The following ZNF251 variants were observed in gnomAD, a reference collection of about 807,000 sequenced individuals.
ZNF251 encodes the protein zinc finger protein 251.
Under a neutral mutation model 13.5 loss-of-function variants are expected in ZNF251, and 14 were observed. The observed-to-expected ratio is 1.04, with a 90% CI of 0.69 to 1.63. The LOEUF is 1.63. Among genes scored for constraint, ZNF251 ranks in the 40% most tolerant of loss-of-function variants. The pLI, the probability that ZNF251 is intolerant of heterozygous loss-of-function variation, is 0.00. For synonymous variants in ZNF251, 287 were observed against 295.2 expected, an observed-to-expected ratio of 0.97 and a Z score of 0.28; for missense variants, 764 against 834.9, an observed-to-expected ratio of 0.92 and a Z score of 1.05.
chr8:144,754,334 A>T lies in ZNF251; in HGVS notation c.34-13T>A. On this transcript the variant is annotated splice_polypyrimidine_tract_variant and intron_variant, in intron 2 of 4. Transcript: ENST00000292562. Reference sequence around the variant, plus strand: ...TCAGCGGCATCTCCTGCAACAAAACATCGCCGCTGCCCAGGCCATGCCCAC... The same window carrying T: ...TCAGCGGCATCTCCTGCAACAAAACTTCGCCGCTGCCCAGGCCATGCCCAC... 1 of 1,593,152 alleles carries T rather than the reference A, an allele frequency of 6.3e-7. No homozygotes were observed. Among genetic ancestry groups the T allele is most frequent in the Non-Finnish European group, 8.5e-7 (1 of 1,169,908 alleles).
intron 4 of ZNF251, among the ~76,000 whole-genome samples, chr8:144,730,936 C>A (rs563008470): frequency 2.0e-5 from 3 of 152,086 alleles, no homozygotes; most frequent in African/African-American, 7.2e-5. Context: ...CAGTGACGGT[C>A]GTGGGAACCG....
At position 144,722,971 on chromosome 8, in the gene ZNF251, C is replaced by T; in HGVS notation, c.689G>A (p.Ser230Asn). The T allele has an allele frequency of 3.7e-6, 6 of 1,613,850 alleles. No individual in the cohort carries two copies. The highest frequency in any genetic ancestry group is 5.1e-6 in the Non-Finnish European group (6 of 1,179,788). Residue 230 changes from serine to asparagine, a missense_variant, in exon 5 of 5, where the codon AGT becomes AAT. Ser to Asn is a conservative substitution (Grantham distance 46, BLOSUM62 1). Coordinates refer to ENST00000292562, the MANE Select transcript of ZNF251 (RefSeq NM_138367.2). This position sits in a 1 kb window ranked among gnomAD's most constrained non-coding sequence, Gnocchi z 4.8. ...TTCGTACGGCTTCTCCCCAGTGTGA[C>T]TTCTCTGGTGTCTACTTAGGTCTGA... ...YNSDLSRHQR[S>N]HTGEKPYECG...
chr8:144,742,498 C>A (rs1489824818), intron 4 of ZNF251, among the ~76,000 whole-genome samples: 5 of 151,292 alleles, frequency 3.3e-5, no homozygotes, highest in African/African-American at 4.9e-5. Context: ...CCACTACTTA[C>A]CTCCCGCAAC....
rs1823372383 is a variant in ZNF251 at position 144,721,568 on chromosome 8, A to G, written c.*76T>C. The G allele has an allele frequency of 8.0e-7, 1 of 1,257,186 alleles. No individual in the cohort carries two copies. Among genetic ancestry groups the G allele is most frequent in the Admixed American group, 3.6e-5 (1 of 27,492 alleles). 77.9% of individuals were successfully genotyped at this position (1,257,186 alleles called of 1,614,324 possible). On this transcript the variant is annotated 3_prime_UTR_variant, in exon 5 of 5. Transcript: ENST00000292562. ...ACTTTGCCAGTAATATTTAGACCTT[A>G]TATATCTTTCATTATGCCATCTTAT...
intron 4 of ZNF251, among the ~76,000 whole-genome samples, chr8:144,745,352 C>T (rs1242485565): frequency 6.6e-6 from 1 of 151,990 alleles, no homozygotes; most frequent in African/African-American, 2.4e-5. Flanking sequence ...TTTCATTGAT[C>T]TATTTTTTCT....
At chr8:144,739,553 A>C (rs985081202) in intron 4 of ZNF251, among the ~76,000 whole-genome samples, 1 of 152,234 alleles carries the variant, frequency 6.6e-6, no homozygotes, top group Non-Finnish European at 1.5e-5. Context: ...TACGCTTGAC[A>C]TATGAACTAC....
At chr8:144,732,611 G>C (rs1044302006) in intron 4 of ZNF251, among the ~76,000 whole-genome samples, 14 of 151,686 alleles carry the variant, frequency 9.2e-5, no homozygotes, top group African/African-American at 2.4e-4. Flanking sequence ...AGGAGATGGA[G>C]ACCATCCTGG....
At chr8:144,751,632 G>A (rs1824697517) in intron 4 of ZNF251, among the ~76,000 whole-genome samples, 1 of 152,078 alleles carries the variant, frequency 6.6e-6, no homozygotes. Context: ...CCCAAATAAA[G>A]GCCGGAAAGA....
rs186457385 is a variant in ZNF251, at chr8:144,752,487, T to C, written c.277+1196A>G. ...AGAAAAACTAGATAACATTTTGAAC[T>C]AAATGTTAATGAAAATACAACATAT... On this transcript the variant is annotated intron_variant, in intron 4 of 4. Transcript: ENST00000292562. Among the ~76,000 whole-genome samples the C allele has an allele frequency of 2.4e-4, 36 of 152,344 alleles. 1 individual carries two copies. The highest frequency in any genetic ancestry group is 8.4e-4 in the African/African-American group (35 of 41,580).
Position 144,755,429 on chromosome 8 carries a change from ACCGAGGAAGCG to A in ZNF251, c.-111_-101del. 1 of 1,288,158 alleles carries A rather than the reference ACCGAGGAAGCG, an allele frequency of 7.8e-7. No homozygotes were observed. The highest frequency in any genetic ancestry group is 1.0e-6 in the Non-Finnish European group (1 of 988,800). The allele number at this position is 1,288,158 out of a possible 1,614,324, so 79.8% of individuals were successfully genotyped here. A position where few individuals can be genotyped will look rare whatever the true frequency, so the allele number is the denominator to read the frequency against. On this transcript the variant is annotated 5_prime_UTR_variant, in exon 1 of 5. Transcript: ENST00000292562. ...CCTGTTTGCTCGACCCGGGGAAGCCACCGAGGAAGCGCCGAGGAGCTGCGCAGTCGCACCGA... is the reference window on the plus strand; with the variant it reads ...CCTGTTTGCTCGACCCGGGGAAGCCACCGAGGAGCTGCGCAGTCGCACCGA...
chr8:144,735,279 T>C (rs549692629), intron 4 of ZNF251, among the ~76,000 whole-genome samples: 7 of 146,482 alleles, frequency 4.8e-5, no homozygotes, highest in African/African-American at 1.8e-4. Context: ...CCCAGCTACT[T>C]GGGAGGCTGA....
intron 4 of ZNF251, among the ~76,000 whole-genome samples, chr8:144,735,028 C>T (rs1232920149): frequency 5.9e-5 from 9 of 151,268 alleles, no homozygotes; most frequent in African/African-American, 1.7e-4. Context: ...GAGCCAAGAT[C>T]GCACCACTGC....
At chr8:144,743,805 T>C (rs568387899) in intron 4 of ZNF251, among the ~76,000 whole-genome samples, 1 of 152,334 alleles carries the variant, frequency 6.6e-6, no homozygotes, top group African/African-American at 2.4e-5. Flanking sequence ...CTTAGAGATA[T>C]GACATTGATC....
Position 144,723,261 on chromosome 8 carries a change from A to C in ZNF251, c.399T>G (p.Phe133Leu). The C allele has an allele frequency of 6.2e-7, 1 of 1,613,158 alleles. No individual in the cohort carries two copies. Among genetic ancestry groups the C allele is most frequent in the Non-Finnish European group, 8.5e-7 (1 of 1,179,580 alleles). ...LLRDNAQAAEFREAWGREGKL... is the reference protein window; with the variant it reads ...LLRDNAQAAELREAWGREGKL... ...TGCCCTCACGGCCCCATGCTTCCCG[A>C]AACTCAGCGGCCTGTGCATTATCCC... The change falls in exon 5 of 5, where the codon TTT becomes TTG. Residue 133 changes from phenylalanine to leucine, a missense_variant. Physicochemically the swap from Phe to Leu is conservative, Grantham distance 22. Coordinates refer to ENST00000292562, the MANE Select transcript of ZNF251 (RefSeq NM_138367.2).
At chr8:144,753,618 G>T in intron 4 of ZNF251, 65 bp downstream of exon 4, 1 of 1,352,714 alleles carries the variant, frequency 7.4e-7, no homozygotes, top group African/African-American at 1.4e-5. Context: ...GCTGTCCCTC[G>T]CTTGGAGCCT....
At chr8:144,740,685 G>C (rs1824117391) in intron 4 of ZNF251, among the ~76,000 whole-genome samples, 1 of 152,028 alleles carries the variant, frequency 6.6e-6, no homozygotes, top group Admixed American at 6.5e-5. Context: ...TGTAATCCCA[G>C]CACTTTGGGA....
rs563036108 is a variant in ZNF251, at chr8:144,734,309, A to G, written c.278-10927T>C. Among the ~76,000 whole-genome samples, 9 of 152,274 alleles carry G rather than the reference A, an allele frequency of 5.9e-5. 1 individual carries two copies. In the South Asian group the frequency reaches 1.9e-3, roughly 32 times the overall value. The stretch of plus-strand genomic sequence containing the variant: ...TGGTCATGACCCCTTGCAAATATCC[A>G]TGCTTTGTCCCTGTGGCTGTCGGCC... On this transcript the variant is annotated intron_variant, in intron 4 of 4. Transcript: ENST00000292562. The surrounding 1 kb of genome is among the most constrained non-coding windows in gnomAD (Gnocchi z 4.4).
In ZNF251 at chr8:144,731,070, C is replaced by T. The variant is rs114829340; in HGVS notation, c.278-7688G>A. On this transcript the variant is annotated intron_variant, in intron 4 of 4. Coordinates refer to ENST00000292562, the MANE Select transcript of ZNF251 (RefSeq NM_138367.2). ...CTTAAATGCTTCCAGATGATGGCTC[C>T]CCCGGAGGACCGAGGAAGCCCCATG... 5.3e-3 allele frequency among the ~76,000 whole-genome samples: 809 copies of T among 152,270 alleles called. 8 individuals are homozygous for T. The highest frequency in any genetic ancestry group is 0.018 in the African/African-American group (759 of 41,556).
chr8:144,725,272 C>T lies in ZNF251; in HGVS notation c.278-1890G>A, dbSNP rs372193184. On this transcript the variant is annotated intron_variant, in intron 4 of 4. Transcript: ENST00000292562. Reference sequence around the variant, plus strand: ...TCAGGCAATCCGTCCGCCTCGGCCTCCCAAAGTGCTGGGATTACGGGCGTG... The same window carrying T: ...TCAGGCAATCCGTCCGCCTCGGCCTTCCAAAGTGCTGGGATTACGGGCGTG... Among the ~76,000 whole-genome samples the T allele has an allele frequency of 1.1e-4, 17 of 152,360 alleles. No individual in the cohort carries two copies. In the East Asian group the frequency reaches 3.3e-3, roughly 29 times the overall value.
Sources: allele counts gnomAD v4.1 joint callset (sites outside exome capture counted in the v4.1 genomes callset), GRCh38; gene constraint gnomAD v4.1.1; non-coding constraint Gnocchi (gnomAD v3.1); transcripts MANE v1.5; gene names NCBI Gene and HGNC (gene_info 2026-07-23, HGNC 2026-07-21).